The following ANKRD36 variants were observed in gnomAD, a reference collection of about 807,000 sequenced individuals.
ANKRD36 encodes the protein ankyrin repeat domain-containing protein 36A.
Under a neutral mutation model 278.1 loss-of-function variants are expected in ANKRD36, and 179 were observed. That is an observed-to-expected ratio of 0.64 (90% CI 0.57 to 0.73). The LOEUF is 0.73. Among genes scored for constraint, ANKRD36 ranks in the 30% least tolerant of loss-of-function variants. ANKRD36 has a pLI of 0.00. For synonymous variants in ANKRD36, 320 were observed against 641.1 expected, an observed-to-expected ratio of 0.50 and a Z score of 7.57; for missense variants, 1,159 against 1,956.7, an observed-to-expected ratio of 0.59 and a Z score of 7.69.
At chr2:97,184,803 T>A (rs1054513689) in intron 28 of ANKRD36, among the ~76,000 whole-genome samples, 1 of 151,780 alleles carries the variant, frequency 6.6e-6, no homozygotes, top group Non-Finnish European at 1.5e-5. Context: ...AGCTGATCAA[T>A]TTAGATCCCT....
chr2:97,210,327 G>A (rs1282391517), intron 56 of ANKRD36, among the ~76,000 whole-genome samples: 2 of 151,906 alleles, frequency 1.3e-5, no homozygotes, highest in Non-Finnish European at 2.9e-5. Context: ...TAAGGAAGAC[G>A]GATTGTGAGG....
chr2:97,174,363 A>T (rs1235807847), intron 22 of ANKRD36, among the ~76,000 whole-genome samples: 1 of 151,566 alleles, frequency 6.6e-6, no homozygotes, highest in East Asian at 1.9e-4. Context: ...TGCTCCAGGA[A>T]CTACTGGAAG....
intron 38 of ANKRD36, among the ~76,000 whole-genome samples, chr2:97,194,178 C>T (rs917202919): frequency 7.9e-5 from 12 of 151,602 alleles, no homozygotes; most frequent in Admixed American, 6.6e-5. Context: ...TACTAGGTAT[C>T]AGCAAACAGA....
At chr2:97,190,710 A>C (rs531631425) in intron 34 of ANKRD36, among the ~76,000 whole-genome samples, 4 of 151,520 alleles carry the variant, frequency 2.6e-5, no homozygotes, top group Admixed American at 6.6e-5. Context: ...GCATATCCAC[A>C]TTGATATTGA....
chr2:97,197,882 G>C (rs1395430690), intron 42 of ANKRD36, among the ~76,000 whole-genome samples: 10 of 151,830 alleles, frequency 6.6e-5, no homozygotes, highest in African/African-American at 2.4e-4. Context: ...ACTCCATATC[G>C]GGGTGAGAGA....
intron 22 of ANKRD36, among the ~76,000 whole-genome samples, chr2:97,177,362 A>G (rs1033588643): frequency 6.6e-6 from 1 of 151,972 alleles, no homozygotes; most frequent in African/African-American, 2.4e-5. Context: ...AAGAGCCCAC[A>G]TCGCCAAGTC....
At chr2:97,205,851 G>T (rs1290350739) in intron 50 of ANKRD36, 89 bp from the exon 51 acceptor site, 1 of 1,441,856 alleles carries the variant, frequency 6.9e-7, no homozygotes, top group South Asian at 1.2e-5. Context: ...CAGGCAGGAG[G>T]ACAGAGGTTG....
At chr2:97,194,635 A>C in intron 38 of ANKRD36, 91 bp from the exon 39 acceptor site, 1 of 1,578,682 alleles carries the variant, frequency 6.3e-7, no homozygotes, top group Non-Finnish European at 8.6e-7. Flanking sequence ...TACAGGCAGG[A>C]GGACAGAGGT....
chr2:97,157,550 A>G (rs375477926), intron 15 of ANKRD36, among the ~76,000 whole-genome samples: 56 of 116,288 alleles, frequency 4.8e-4, no homozygotes, highest in Non-Finnish European at 7.7e-4. Context: ...TCATTGCTCC[A>G]TAAGGTGGAT....
intron 17 of ANKRD36, among the ~76,000 whole-genome samples, chr2:97,159,938 C>A (rs377378720): frequency 1.7e-4 from 24 of 144,674 alleles, no homozygotes; most frequent in Non-Finnish European, 2.9e-4. Flanking sequence ...CCCGCCATCA[C>A]GCCCGGCTAA....
intron 6 of ANKRD36, among the ~76,000 whole-genome samples, chr2:97,133,823 A>G (rs548118620): frequency 2.1e-4 from 32 of 152,152 alleles, no homozygotes; most frequent in Admixed American, 1.2e-3. Flanking sequence ...GAGATTTTTC[A>G]TATACGCCAT....
intron 66 of ANKRD36, among the ~76,000 whole-genome samples, chr2:97,220,051 C>CTG (rs71274689): frequency 0.054 from 5,997 of 111,134 alleles, 47 homozygotes; most frequent in Non-Finnish European, 0.064. Flanking sequence ...GATTAGCACA[C>CTG]TGTGTGTGTG....
intron 22 of ANKRD36, among the ~76,000 whole-genome samples, chr2:97,179,058 G>A (rs951262646): frequency 1.4e-4 from 21 of 151,464 alleles, no homozygotes; most frequent in Non-Finnish European, 3.0e-4. Flanking sequence ...TTTTGATGAA[G>A]TTTATATATT....
intron 66 of ANKRD36, among the ~76,000 whole-genome samples, chr2:97,224,456 T>TG (rs2068725947): frequency 1.3e-5 from 2 of 151,338 alleles, no homozygotes; most frequent in Admixed American, 6.6e-5. Context: ...TTTTTTGTTT[T>TG]TTTTTTTTTG....
intron 36 of ANKRD36, among the ~76,000 whole-genome samples, chr2:97,192,500 A>C (rs1290448538): frequency 6.6e-6 from 1 of 151,750 alleles, no homozygotes; most frequent in Non-Finnish European, 1.5e-5. Flanking sequence ...ATGTGGGATC[A>C]TGTAGCACCT....
intron 6 of ANKRD36, among the ~76,000 whole-genome samples, chr2:97,127,797 G>T (rs2039005080): frequency 6.6e-6 from 1 of 151,734 alleles, no homozygotes; most frequent in Non-Finnish European, 1.5e-5. Flanking sequence ...TCTTTTTCTT[G>T]CCCGCATGCC....
At chr2:97,161,445 T>G (rs75980897) in intron 17 of ANKRD36, among the ~76,000 whole-genome samples, 9 of 151,196 alleles carry the variant, frequency 6.0e-5, no homozygotes, top group East Asian at 2.0e-4. Context: ...ATACACTGTC[T>G]GCCCTATACT....
At chr2:97,192,921 A>G (rs748169565) in intron 37 of ANKRD36, 35 bp downstream of exon 37, 2 of 1,602,332 alleles carry the variant, frequency 1.2e-6, no homozygotes, top group African/African-American at 2.7e-5. Context: ...TGAATGAGTT[A>G]AGGTATGGTC....
At chr2:97,229,725 C>T (rs1216288948) in intron 67 of ANKRD36, among the ~76,000 whole-genome samples, 2 of 151,960 alleles carry the variant, frequency 1.3e-5, no homozygotes, top group African/African-American at 2.4e-5. Flanking sequence ...GCAGTTTCTT[C>T]CTAGTCTCGA....
Sources: gnomAD v4.1 joint callset for allele counts (sites outside exome capture counted in the v4.1 genomes callset) on GRCh38, gnomAD v4.1.1 for gene constraint, MANE v1.5 for transcripts, NCBI Gene and HGNC (gene_info 2026-07-23, HGNC 2026-07-21) for gene names.